Variants in LRRK2 observed in about 807,000 individuals in gnomAD.
LRRK2 encodes the protein leucine rich repeat kinase 2, also known as leucine-rich repeat serine/threonine-protein kinase 2.
A neutral mutation model predicts 302.6 loss-of-function variants in LRRK2; 203 were observed. The observed-to-expected ratio is 0.67, with a 90% CI of 0.60 to 0.75. The LOEUF (loss-of-function observed/expected upper bound fraction) is 0.75, where lower values mean the gene tolerates loss of function less well. LRRK2 is among the 30% of genes least tolerant of loss of function. The pLI is 0.00. For synonymous variants in LRRK2, 1,066 were observed against 1,031.9 expected (o/e 1.03, Z -0.63); for missense variants, 2,830 against 2,951.0 (o/e 0.96, Z 0.95).
chr12:40,340,868 A>AT (rs973524856), intron 41 of LRRK2, among the ~76,000 whole-genome samples: 7 of 152,186 alleles, frequency 4.6e-5, no homozygotes, highest in Non-Finnish European at 5.9e-5. Context: ...AAATCCCAAG[A>AT]TTTTTTAAAA....
chr12:40,230,668 CTTT>C (rs3057613), intron 2 of LRRK2, among the ~76,000 whole-genome samples: 10 of 135,296 alleles, frequency 7.4e-5, no homozygotes, highest in Admixed American at 1.5e-4. Context: ...TGCACTTTCT[CTTT>C]TTTTTTTTTT....
At chr12:40,279,671 A>G (rs1943605127) in intron 18 of LRRK2, among the ~76,000 whole-genome samples, 1 of 152,182 alleles carries the variant, frequency 6.6e-6, no homozygotes, top group African/African-American at 2.4e-5. Context: ...AATCATTTCT[A>G]CTATTCTTTC....
chr12:40,290,996 CTCTT>C (rs1944123869), intron 20 of LRRK2, among the ~76,000 whole-genome samples: 1 of 151,862 alleles, frequency 6.6e-6, no homozygotes, highest in Admixed American at 6.6e-5. Context: ...TTGATGTGTC[CTCTT>C]TCTATTCATT....
Position 40,225,279 on chromosome 12 carries a change from C to T in LRRK2, c.148C>T (p.Arg50Cys). The change falls in exon 1 of 51, where the codon CGC (arginine) becomes TGC (cysteine). Residue 50 changes from arginine (R) to cysteine (C), a missense_variant. By Grantham distance (180) the Arg-to-Cys change is radical. This residue lies in a region of LRRK2 where 2,121 missense variants were observed against 2,148.0 expected (regional missense o/e 0.99). Coordinates refer to ENST00000298910, the MANE Select transcript of LRRK2 (RefSeq NM_198578.4). ...EDLLVFTYSE[R>C]ASKLFQGKNI... ...TCTGCTGGTGTTCACGTACTCCGAG[C>T]GCGGTAATCACTTGAAAATAAACTG... 6.2e-7 allele frequency: 1 copy of T among 1,614,098 alleles called. No individual in the cohort carries two copies. Among genetic ancestry groups the T allele is most frequent in the Non-Finnish European group, 8.5e-7 (1 of 1,180,002 alleles).
rs766613062 is a variant in LRRK2, at chr12:40,323,153, T to G, written c.5510-7T>G. 3 of 1,611,280 alleles carry G rather than the reference T, an allele frequency of 1.9e-6. No homozygotes were observed. The highest frequency in any genetic ancestry group is 1.7e-5 in the Admixed American group (1 of 59,958). ...TTTTATTTAAAAAATGTTTTATTAC[T>G]TCTCAGGAGATCTCTTAGTAAATCC... On this transcript the variant is annotated splice_polypyrimidine_tract_variant and splice_region_variant and intron_variant, in intron 37 of 50. Coordinates refer to ENST00000298910, the MANE Select transcript of LRRK2 (RefSeq NM_198578.4).
At chr12:40,284,947 A>C (rs1943860280) in intron 19 of LRRK2, among the ~76,000 whole-genome samples, 1 of 152,126 alleles carries the variant, frequency 6.6e-6, no homozygotes, top group African/African-American at 2.4e-5. Context: ...CAGTTTCACC[A>C]AGAAAACTGA....
At chr12:40,278,763 C>T (rs1943563799) in intron 18 of LRRK2, among the ~76,000 whole-genome samples, 1 of 152,154 alleles carries the variant, frequency 6.6e-6, no homozygotes, top group Non-Finnish European at 1.5e-5. Flanking sequence ...TTCTTTCCTT[C>T]TCTCTTCCCT....
chr12:40,354,542 C>T (rs1425536898), intron 45 of LRRK2, 50 bp downstream of exon 45: 6 of 1,505,058 alleles, frequency 4.0e-6, no homozygotes, highest in South Asian at 3.4e-5. Context: ...TTTTAAACGA[C>T]TGAATTGTGT....
chr12:40,231,722 C>G (rs543291028), intron 2 of LRRK2, among the ~76,000 whole-genome samples: 1 of 146,484 alleles, frequency 6.8e-6, no homozygotes, highest in African/African-American at 2.5e-5. Context: ...TGTCTATGTT[C>G]TTCATAATTT....
Position 40,257,381 on chromosome 12 carries a change from A to T in LRRK2, c.1418+4A>T, listed in dbSNP as rs768678430. 27 of 1,611,954 alleles carry T rather than the reference A, an allele frequency of 1.7e-5. No homozygotes were observed. Among genetic ancestry groups the T allele is most frequent in the Non-Finnish European group, 2.3e-5 (27 of 1,178,482 alleles). The stretch of plus-strand genomic sequence containing the variant: ...TAAATCATCTTTTTGAAGGAAGGTA[A>T]TATAGATTCATTAACTTGTACAGAA... On this transcript the variant is annotated splice_donor_region_variant and intron_variant, in intron 12 of 50. Transcript: ENST00000298910.
In LRRK2 at chr12:40,324,055, A is replaced by G. The variant is rs529052607; in HGVS notation, c.5656+749A>G. ...ACTTCAGAAGATGAAAAGTGTATGCATTATAACTACTTTGGGAAAGAAACA... is the reference window on the plus strand; with the variant it reads ...ACTTCAGAAGATGAAAAGTGTATGCGTTATAACTACTTTGGGAAAGAAACA... On this transcript the variant is annotated intron_variant, in intron 38 of 50. Coordinates refer to ENST00000298910, the MANE Select transcript of LRRK2 (RefSeq NM_198578.4). 3.2e-3 allele frequency among the ~76,000 whole-genome samples: 481 copies of G among 152,290 alleles called. 4 individuals are homozygous for G. The highest frequency in any genetic ancestry group is 0.01 in the African/African-American group (425 of 41,586).
intron 40 of LRRK2, among the ~76,000 whole-genome samples, chr12:40,337,423 T>A (rs1945906346): frequency 6.6e-6 from 1 of 152,196 alleles, no homozygotes; most frequent in African/African-American, 2.4e-5. Flanking sequence ...TATGTTTCTG[T>A]GTTTCAATAT....
chr12:40,351,695 T>A lies in LRRK2; in HGVS notation c.6538T>A (p.Ser2180Thr), dbSNP rs749128846. 2 of 1,614,228 alleles carry A rather than the reference T, an allele frequency of 1.2e-6. No homozygotes were observed. The highest frequency in any genetic ancestry group is 2.2e-5 in the South Asian group (2 of 91,084). ...GCGHTDRGQL[S>T]FLDLNTEGYT... ...TGGGCACACCGACAGAGGACAGCTC[T>A]CATTTCTTGACTTAAATACTGAAGG... Residue 2180 changes from serine to threonine, a missense_variant, in exon 44 of 51, where the codon TCA becomes ACA. Around this residue, in one of 3 missense-constraint regions of LRRK2, gnomAD observed 456 missense variants for 456.3 expected, o/e 1.00. Coordinates refer to ENST00000298910, the MANE Select transcript of LRRK2 (RefSeq NM_198578.4).
chr12:40,348,474 A>G lies in LRRK2; in HGVS notation c.6346A>G (p.Lys2116Glu). 6.2e-7 allele frequency: 1 copy of G among 1,612,982 alleles called. No individual in the cohort carries two copies. The highest frequency in any genetic ancestry group is 1.1e-5 in the South Asian group (1 of 91,038). The change falls in exon 43 of 51, where the codon AAA (lysine) becomes GAA (glutamate). Residue 2116 changes from lysine (K) to glutamate (E), a missense_variant. Lys to Glu is a moderately conservative substitution (Grantham distance 56, BLOSUM62 1). This residue lies in a region of LRRK2 where 253 missense variants were observed against 346.7 expected (regional missense o/e 0.73). Transcript: ENST00000298910. ...MVEKLIKQCL[K>E]ENPQERPTSA... ...TGAGAAATTAATTAAACAGTGTTTGAAAGAAAATCCTCAAGAAAGGCCTAC... is the reference window on the plus strand; with the variant it reads ...TGAGAAATTAATTAAACAGTGTTTGGAAGAAAATCCTCAAGAAAGGCCTAC...
chr12:40,278,217 G>A lies in LRRK2; in HGVS notation c.2197G>A (p.Ala733Thr). 6.2e-7 allele frequency: 1 copy of A among 1,614,148 alleles called. No homozygotes were observed. The highest frequency in any genetic ancestry group is 8.5e-7 in the Non-Finnish European group (1 of 1,180,004). ...IMVECLLLLG[A>T]DANQAKEGSS... ...GGTTGAATGCTTGCTTCTATTGGGA[G>A]CAGATGCCAATCAAGCAAAGGAGGG... Residue 733 changes from alanine to threonine, a missense_variant, in exon 18 of 51, where the codon GCA (alanine) becomes ACA (threonine). By Grantham distance (58) the Ala-to-Thr change is moderately conservative. Around this residue, in one of 3 missense-constraint regions of LRRK2, gnomAD observed 2,121 missense variants for 2,148.0 expected, o/e 0.99. Coordinates refer to ENST00000298910, the MANE Select transcript of LRRK2 (RefSeq NM_198578.4).
At chr12:40,265,700 G>A (rs948678647) in intron 14 of LRRK2, among the ~76,000 whole-genome samples, 4 of 152,084 alleles carry the variant, frequency 2.6e-5, no homozygotes, top group African/African-American at 9.7e-5. Context: ...TCAGTCTGAG[G>A]ACAAGGAAAA....
At chr12:40,338,659 A>G (rs575959575) in intron 40 of LRRK2, among the ~76,000 whole-genome samples, 2 of 152,338 alleles carry the variant, frequency 1.3e-5, no homozygotes, top group East Asian at 3.9e-4. Flanking sequence ...ATTTTAACTA[A>G]CCAAGATATT....
chr12:40,244,879 A>G (rs551815880), intron 7 of LRRK2, among the ~76,000 whole-genome samples: 1 of 152,058 alleles, frequency 6.6e-6, no homozygotes, highest in South Asian at 2.1e-4. Flanking sequence ...AACTTAAAGT[A>G]TAATAATAAT....
chr12:40,314,809 C>T (rs924630929), intron 32 of LRRK2, among the ~76,000 whole-genome samples: 1 of 151,890 alleles, frequency 6.6e-6, no homozygotes, highest in Non-Finnish European at 1.5e-5. Flanking sequence ...AAATAGCTTC[C>T]CGTGGTTTAT....
Sources: allele counts gnomAD v4.1 joint callset (sites outside exome capture counted in the v4.1 genomes callset), GRCh38; gene constraint gnomAD v4.1.1; regional missense constraint gnomAD v4.1.1; transcripts MANE v1.5; gene names NCBI Gene and HGNC (gene_info 2026-07-23, HGNC 2026-07-21).